The following NAALADL2 variants were observed in gnomAD, a reference collection of about 807,000 sequenced individuals.
NAALADL2 encodes N-acetylated alpha-linked acidic dipeptidase like 2.
A neutral mutation model predicts 87.2 loss-of-function variants in NAALADL2; 76 were observed. That is an observed-to-expected ratio of 0.87 (90% CI 0.72 to 1.05). The LOEUF (loss-of-function observed/expected upper bound fraction) is 1.05. Among genes scored for constraint, NAALADL2 ranks in the 50% least tolerant of loss-of-function variants. The pLI, the probability that NAALADL2 is intolerant of heterozygous loss-of-function variation, is 0.00. For synonymous variants in NAALADL2, 354 were observed against 331.0 expected, an observed-to-expected ratio of 1.07 and a Z score of -0.75; for missense variants, 1,089 against 945.8, an observed-to-expected ratio of 1.15 and a Z score of -1.99.
intron 2 of NAALADL2, among the ~76,000 whole-genome samples, chr3:175,134,907 A>G (rs1162199538): frequency 6.6e-6 from 1 of 152,218 alleles, no homozygotes; most frequent in African/African-American, 2.4e-5. Context: ...TAAAGCAACA[A>G]TTATACAAAC....
In NAALADL2 at chr3:175,464,493, C is replaced by A. The variant is rs772102834; in HGVS notation, c.1327+1000C>A. Among the ~76,000 whole-genome samples the A allele has an allele frequency of 2.6e-5, 4 of 152,018 alleles. No individual in the cohort carries two copies. The South Asian group carries it at 8.3e-4, about 32-fold the overall frequency. ...AATTAAGAGATTAATAGCAATACTT[C>A]CAAACACATCGTAAGGCTGAATCAC... On this transcript the variant is annotated intron_variant, in intron 7 of 13. Transcript: ENST00000454872.
chr3:175,775,458 A>G (rs1017444781), intron 13 of NAALADL2, among the ~76,000 whole-genome samples: 2 of 152,114 alleles, frequency 1.3e-5, no homozygotes, highest in African/African-American at 2.4e-5. Context: ...ATTTCTCTAA[A>G]GCCTCATTAA....
intron 11 of NAALADL2, among the ~76,000 whole-genome samples, chr3:175,632,761 A>G (rs1211667158): frequency 6.6e-6 from 1 of 152,124 alleles, no homozygotes; most frequent in African/African-American, 2.4e-5. Context: ...CTGTAGTGCT[A>G]TAGAGCACCT....
intron 2 of NAALADL2, among the ~76,000 whole-genome samples, chr3:175,133,567 C>G (rs9681663): frequency 1.3e-5 from 2 of 152,124 alleles, no homozygotes; most frequent in African/African-American, 2.4e-5. Flanking sequence ...CAAAAAAATA[C>G]GAAAACCAGT....
chr3:175,452,367 CT>C (rs575224885), intron 6 of NAALADL2, among the ~76,000 whole-genome samples: 74 of 152,046 alleles, frequency 4.9e-4, no homozygotes, highest in Middle Eastern at 6.8e-3. Context: ...AATGACAAAC[CT>C]TTTTGGCCAT....
At chr3:174,620,818 T>C (rs1349605230) in intron 2 of NAALADL2, among the ~76,000 whole-genome samples, 3 of 152,086 alleles carry the variant, frequency 2.0e-5, no homozygotes, top group Non-Finnish European at 2.9e-5. Context: ...TTGATGAACT[T>C]GAGTTATTTT....
intron 5 of NAALADL2, among the ~76,000 whole-genome samples, chr3:175,340,920 C>A (rs757344236): frequency 4.0e-5 from 6 of 151,458 alleles, no homozygotes; most frequent in Non-Finnish European, 7.4e-5. Context: ...TAAGATGTTA[C>A]AGGAATGAGA....
intron 5 of NAALADL2, among the ~76,000 whole-genome samples, chr3:175,423,722 A>C (rs1716280981): frequency 6.6e-6 from 1 of 152,190 alleles, no homozygotes; most frequent in South Asian, 2.1e-4. Flanking sequence ...GCCACAATAA[A>C]TATGCATGTG....
intron 10 of NAALADL2, among the ~76,000 whole-genome samples, chr3:175,613,673 A>G (rs1025555256): frequency 6.6e-6 from 1 of 152,176 alleles, no homozygotes. Flanking sequence ...AAGAGCACAG[A>G]TAATGCCTGT....
intron 1 of NAALADL2, among the ~76,000 whole-genome samples, chr3:174,868,471 G>A (rs1476120789): frequency 6.6e-6 from 1 of 152,060 alleles, no homozygotes; most frequent in Non-Finnish European, 1.5e-5. Flanking sequence ...TGTTTTTTCT[G>A]TTCCCACAAT....
Position 175,382,198 on chromosome 3 carries a change from A to T in NAALADL2, c.1090+57873A>T, listed in dbSNP as rs76170278. On this transcript the variant is annotated intron_variant, in intron 5 of 13. Coordinates refer to ENST00000454872, the MANE Select transcript of NAALADL2 (RefSeq NM_207015.3). ...GTTCAAGGAAAGAGTCCTAGCTAAA[A>T]ATAGAAAAATAAATGAAGTCAAACA... Among the ~76,000 whole-genome samples the T allele has an allele frequency of 2.7e-3, 407 of 152,300 alleles. 2 individuals are homozygous for T. Among genetic ancestry groups the T allele is most frequent in the African/African-American group, 9.5e-3 (394 of 41,576 alleles).
At chr3:175,435,237 A>C (rs1485531298) in intron 5 of NAALADL2, among the ~76,000 whole-genome samples, 1 of 152,016 alleles carries the variant, frequency 6.6e-6, no homozygotes, top group African/African-American at 2.4e-5. Context: ...TCAGGTTACA[A>C]AATGTCTTTA....
upstream of NAALADL2, among the ~76,000 whole-genome samples, chr3:174,857,399 T>C (rs1256708107): frequency 6.6e-6 from 1 of 152,166 alleles, no homozygotes; most frequent in African/African-American, 2.4e-5. Context: ...GATTTTTTGT[T>C]ATCGTTTAAG....
intron 9 of NAALADL2, among the ~76,000 whole-genome samples, chr3:175,538,171 A>G (rs906328466): frequency 2.0e-5 from 3 of 152,158 alleles, no homozygotes; most frequent in African/African-American, 4.8e-5. Flanking sequence ...GTTTACTTTT[A>G]TAGACAGAAT....
intron 11 of NAALADL2, among the ~76,000 whole-genome samples, chr3:175,667,893 C>T (rs909061910): frequency 1.3e-5 from 2 of 151,928 alleles, no homozygotes; most frequent in African/African-American, 2.4e-5. Flanking sequence ...AAAATCTACC[C>T]TATTCAAAGA....
At chr3:175,360,128 A>G (rs1280597620) in intron 5 of NAALADL2, among the ~76,000 whole-genome samples, 2 of 152,152 alleles carry the variant, frequency 1.3e-5, no homozygotes, top group Non-Finnish European at 2.9e-5. Context: ...GTTTTAAACA[A>G]ATCAGTATTT....
chr3:174,886,557 G>A (rs1022290364), intron 1 of NAALADL2, among the ~76,000 whole-genome samples: 2 of 152,058 alleles, frequency 1.3e-5, no homozygotes, highest in African/African-American at 2.4e-5. Flanking sequence ...TTAAATATTT[G>A]ATAATGACCA....
At chr3:174,453,170 G>A (rs1386543324) in intron 1 of NAALADL2, among the ~76,000 whole-genome samples, 1 of 152,158 alleles carries the variant, frequency 6.6e-6, no homozygotes, top group African/African-American at 2.4e-5. Context: ...ATAGAAAACT[G>A]AGGAAAGAGT....
intron 6 of NAALADL2, among the ~76,000 whole-genome samples, chr3:175,461,122 T>C (rs1195968376): frequency 2.0e-5 from 3 of 152,138 alleles, no homozygotes; most frequent in Non-Finnish European, 4.4e-5. Context: ...GAGTGCTGAT[T>C]GGTGCATTTA....
Sources: gnomAD v4.1 joint callset for allele counts (sites outside exome capture counted in the v4.1 genomes callset) on GRCh38, gnomAD v4.1.1 for gene constraint, MANE v1.5 for transcripts, NCBI Gene and HGNC (gene_info 2026-07-23, HGNC 2026-07-21) for gene names.